Variants in HTR1F observed in about 807,000 individuals in gnomAD.
HTR1F encodes the protein 5-hydroxytryptamine (serotonin) receptor 1F, G protein-coupled.
HTR1F carries 17 observed loss-of-function variants against 24.0 expected under a neutral mutation model. The observed-to-expected ratio is 0.71, with a 90% CI of 0.48 to 1.06. The LOEUF is 1.06. HTR1F is among the 50% of genes least tolerant of loss of function. HTR1F has a pLI of 0.00. For synonymous variants in HTR1F, 186 were observed against 156.8 expected (o/e 1.19, Z -1.39); for missense variants, 391 against 427.8 (o/e 0.91, Z 0.76).
chr3:87,983,177 A>G (rs12714696), intron 2 of HTR1F, among the ~76,000 whole-genome samples: 90,789 of 151,922 alleles, frequency 0.6, 27,382 homozygotes, highest in South Asian at 0.73. Context: ...TGGTGGGGAG[A>G]GATGAGTATT....
chr3:87,935,696 T>C (rs1252309492), intron 2 of HTR1F, among the ~76,000 whole-genome samples: 1 of 152,196 alleles, frequency 6.6e-6, no homozygotes, highest in Non-Finnish European at 1.5e-5. Flanking sequence ...GTTTCCATTT[T>C]GTTGAAAAAT....
chr3:87,916,849 C>T (rs1162598213), intron 2 of HTR1F, among the ~76,000 whole-genome samples: 4 of 151,940 alleles, frequency 2.6e-5, no homozygotes, highest in Non-Finnish European at 5.9e-5. Flanking sequence ...TAAACTATAC[C>T]CTGGAACAAA....
At chr3:87,946,509 A>G (rs1333640594) in intron 2 of HTR1F, among the ~76,000 whole-genome samples, 1 of 149,686 alleles carries the variant, frequency 6.7e-6, no homozygotes, top group African/African-American at 2.5e-5. Flanking sequence ...AAATTTTTCT[A>G]ACTTTTCTAA....
chr3:87,898,310 C>T (rs1431236143), intron 2 of HTR1F, among the ~76,000 whole-genome samples: 1 of 152,088 alleles, frequency 6.6e-6, no homozygotes, highest in African/African-American at 2.4e-5. Context: ...CTAGTCCTAG[C>T]CTTTTATTTT....
chr3:87,955,662 T>C (rs761869406), intron 2 of HTR1F, among the ~76,000 whole-genome samples: 2 of 151,522 alleles, frequency 1.3e-5, no homozygotes, highest in African/African-American at 4.8e-5. Flanking sequence ...TTACTATTAA[T>C]AATGCATGAA....
chr3:87,922,239 T>G (rs149818812), intron 2 of HTR1F, among the ~76,000 whole-genome samples: 1 of 152,140 alleles, frequency 6.6e-6, no homozygotes, highest in African/African-American at 2.4e-5. Context: ...TGAAATGATA[T>G]GTCATTTTGG....
At chr3:87,928,213 T>C (rs1704174888) in intron 2 of HTR1F, among the ~76,000 whole-genome samples, 2 of 151,960 alleles carry the variant, frequency 1.3e-5, no homozygotes, top group African/African-American at 4.8e-5. Flanking sequence ...ACCTGGCTAA[T>C]TTTTGTATTT....
intron 2 of HTR1F, among the ~76,000 whole-genome samples, chr3:87,902,617 C>A (rs1559624676): frequency 6.6e-6 from 1 of 151,122 alleles, no homozygotes; most frequent in African/African-American, 2.4e-5. Flanking sequence ...CATTATTATA[C>A]TTTAAGTTTT....
intron 2 of HTR1F, among the ~76,000 whole-genome samples, chr3:87,837,317 AT>A (rs1704702678): frequency 6.6e-6 from 1 of 152,116 alleles, no homozygotes; most frequent in Admixed American, 6.6e-5. Flanking sequence ...ATTATGAATT[AT>A]TTTTATAGAA....
chr3:87,993,465 G>A lies in HTR1F; in HGVS notation c.*1615G>A, dbSNP rs77582751. The A allele has an allele frequency of 0.03, 5,089 of 166,926 alleles. 126 individuals are homozygous for A. Among genetic ancestry groups the A allele is most frequent in the Non-Finnish European group, 0.037 (2,552 of 68,094 alleles). The allele number at this position is 166,926 out of a possible 1,614,324, so 10.3% of individuals were successfully genotyped here. On this transcript the variant is annotated 3_prime_UTR_variant, in exon 3 of 3. Coordinates refer to ENST00000319595, the MANE Select transcript of HTR1F (RefSeq NM_001322209.2). ...GGAAGTTGTTTACACAGTTATGATG[G>A]TGCAGAGGAAAAACTGATCGCATCT...
chr3:87,900,177 G>A (rs1706289711), intron 2 of HTR1F, among the ~76,000 whole-genome samples: 1 of 152,206 alleles, frequency 6.6e-6, no homozygotes, highest in Non-Finnish European at 1.5e-5. Context: ...AGGCAAGGGA[G>A]TAGAATAATG....
chr3:87,989,072 A>C (rs988566337), intron 2 of HTR1F, among the ~76,000 whole-genome samples: 1 of 152,202 alleles, frequency 6.6e-6, no homozygotes, highest in Non-Finnish European at 1.5e-5. Flanking sequence ...TCAGGTCTCC[A>C]TATTGTCCTT....
At chr3:87,933,718 T>G (rs1479754165) in intron 2 of HTR1F, among the ~76,000 whole-genome samples, 2 of 152,130 alleles carry the variant, frequency 1.3e-5, no homozygotes, top group African/African-American at 4.8e-5. Flanking sequence ...TACAAAGAAA[T>G]GGAAGAACAT....
chr3:87,826,303 C>T (rs1704460565), intron 2 of HTR1F, among the ~76,000 whole-genome samples: 2 of 152,318 alleles, frequency 1.3e-5, no homozygotes, highest in East Asian at 3.9e-4. Flanking sequence ...CAGCTGGAAA[C>T]TGTTTCTCTT....
At chr3:87,849,371 T>G (rs1705026577) in intron 2 of HTR1F, among the ~76,000 whole-genome samples, 1 of 151,636 alleles carries the variant, frequency 6.6e-6, no homozygotes, top group Admixed American at 6.6e-5. Context: ...GATTCCCTAT[T>G]TAATAAATGG....
intron 2 of HTR1F, among the ~76,000 whole-genome samples, chr3:87,926,557 G>T (rs1181701798): frequency 6.6e-6 from 1 of 152,024 alleles, no homozygotes; most frequent in African/African-American, 2.4e-5. Flanking sequence ...CTAATACCTA[G>T]TAAATTTCAA....
chr3:87,968,567 A>C (rs1399166318), intron 2 of HTR1F, among the ~76,000 whole-genome samples: 1 of 152,152 alleles, frequency 6.6e-6, no homozygotes, highest in African/African-American at 2.4e-5. Context: ...AAATGTTAAA[A>C]GGATTCAGTT....
intron 2 of HTR1F, among the ~76,000 whole-genome samples, chr3:87,989,142 A>C (rs1705746542): frequency 6.6e-6 from 1 of 152,220 alleles, no homozygotes; most frequent in Non-Finnish European, 1.5e-5. Flanking sequence ...ATTTAAAAAA[A>C]TGCTATTTAT....
intron 2 of HTR1F, among the ~76,000 whole-genome samples, chr3:87,886,080 T>C (rs1206206589): frequency 2.0e-5 from 3 of 152,036 alleles, no homozygotes; most frequent in Admixed American, 6.6e-5. Flanking sequence ...ACATCGATGC[T>C]AAAATCCTCA....
Sources: allele counts gnomAD v4.1 joint callset (sites outside exome capture counted in the v4.1 genomes callset), GRCh38; gene constraint gnomAD v4.1.1; transcripts MANE v1.5; gene names NCBI Gene and HGNC (gene_info 2026-07-23, HGNC 2026-07-21).